Variants in TSPAN9 observed in about 807,000 individuals in gnomAD.
TSPAN9 encodes the protein tetraspanin 9.
TSPAN9 carries 16 observed loss-of-function variants against 31.0 expected under a neutral mutation model. The observed-to-expected ratio is 0.52, with a 90% CI of 0.35 to 0.78. The LOEUF (loss-of-function observed/expected upper bound fraction) is 0.78. Ranked by LOEUF, TSPAN9 falls within the 30% of genes least tolerant of loss-of-function variation. TSPAN9 has a pLI of 0.01. For synonymous variants in TSPAN9, 145 were observed against 121.6 expected (o/e 1.19, Z -1.27); for missense variants, 272 against 312.5 (o/e 0.87, Z 0.98).
At chr12:3,282,996 G>A in intron 8 of TSPAN9, 49 bp from the exon 9 acceptor site, 2 of 1,595,200 alleles carry the variant, frequency 1.3e-6, no homozygotes, top group South Asian at 1.1e-5. Context: ...CTGAGGTCAG[G>A]TCCAGGCTGC....
At chr12:3,157,794 G>A (rs370941575) in intron 2 of TSPAN9, among the ~76,000 whole-genome samples, 1 of 152,094 alleles carries the variant, frequency 6.6e-6, no homozygotes, top group East Asian at 1.9e-4. Context: ...CTGGGCAGAC[G>A]CTGGCAGGCA....
chr12:3,196,677 A>G (rs911690393), intron 2 of TSPAN9, among the ~76,000 whole-genome samples: 5 of 152,110 alleles, frequency 3.3e-5, no homozygotes, highest in Non-Finnish European at 7.4e-5. Context: ...TTGCTCAGGG[A>G]CTGACAGGTG....
chr12:3,257,748 T>C lies in TSPAN9; in HGVS notation c.64-20673T>C, dbSNP rs111414866. 3.8e-3 allele frequency among the ~76,000 whole-genome samples: 473 copies of C among 123,524 alleles called. 3 individuals are homozygous for C. The highest frequency in any genetic ancestry group is 0.013 in the African/African-American group (426 of 32,648). 81.0% of individuals were successfully genotyped at this position (123,524 alleles called of 152,430 possible). ...GGTTTCTTTCTAACCACAAGTGTGA[T>C]AGGTCAAGAGACTTTGGGCGGGAGG... On this transcript the variant is annotated intron_variant, in intron 3 of 8. Coordinates refer to ENST00000011898, the MANE Select transcript of TSPAN9 (RefSeq NM_006675.5).
At chr12:3,252,830 C>T (rs1387382622) in intron 3 of TSPAN9, among the ~76,000 whole-genome samples, 4 of 152,036 alleles carry the variant, frequency 2.6e-5, no homozygotes, top group Admixed American at 6.5e-5. Context: ...CTGCTGGGGG[C>T]GTGTCACTTT....
chr12:3,105,219 G>A (rs997638491), intron 2 of TSPAN9, among the ~76,000 whole-genome samples: 2 of 152,294 alleles, frequency 1.3e-5, no homozygotes, highest in Admixed American at 6.5e-5. Context: ...TCAGTGCCCC[G>A]AGGCAGGCAG....
rs1862937455 is a variant in TSPAN9, at chr12:3,283,309, A to G, written c.*193A>G. ...GTGCCAGGGAGGAGGAGGCACACGG[A>G]GACCTGGGGCTCGGGGCCCCTGGAT... On this transcript the variant is annotated 3_prime_UTR_variant, in exon 9 of 9. Transcript: ENST00000011898. 1.7e-6 allele frequency: 1 copy of G among 585,894 alleles called. No individual in the cohort carries two copies. Among genetic ancestry groups the G allele is most frequent in the African/African-American group, 1.9e-5 (1 of 52,352 alleles). The allele number at this position is 585,894 out of a possible 1,614,324, so 36.3% of individuals were successfully genotyped here.
intron 2 of TSPAN9, among the ~76,000 whole-genome samples, chr12:3,102,726 T>C (rs150411689): frequency 0.041 from 6,226 of 152,290 alleles, 434 homozygotes; most frequent in African/African-American, 0.14. Context: ...CGTGAGCCAC[T>C]GCGCCTGGCC....
At chr12:3,118,733 G>A (rs762455650) in intron 2 of TSPAN9, among the ~76,000 whole-genome samples, 7 of 152,172 alleles carry the variant, frequency 4.6e-5, no homozygotes, top group Non-Finnish European at 1.0e-4. Context: ...TCCCAGCCAT[G>A]GTGTGAATTG....
chr12:3,261,310 A>T (rs556063685), intron 3 of TSPAN9, among the ~76,000 whole-genome samples: 48 of 152,352 alleles, frequency 3.2e-4, no homozygotes, highest in African/African-American at 1.1e-3. Context: ...CAACAGCTTA[A>T]TATGGTAAGT....
At chr12:3,128,605 C>T (rs2098328373) in intron 2 of TSPAN9, among the ~76,000 whole-genome samples, 1 of 152,132 alleles carries the variant, frequency 6.6e-6, no homozygotes, top group African/African-American at 2.4e-5. Context: ...TTACCCATAG[C>T]CCCCCAAGAA....
chr12:3,095,951 TGCAATCTCG>T (rs1421754849), intron 2 of TSPAN9, among the ~76,000 whole-genome samples: 1 of 150,070 alleles, frequency 6.7e-6, no homozygotes, highest in Non-Finnish European at 1.5e-5. Context: ...GGGCAGAGGC[TGCAATCTCG>T]GCACTTTGGG....
At chr12:3,212,359 C>T (rs1322094412) in intron 3 of TSPAN9, among the ~76,000 whole-genome samples, 2 of 152,142 alleles carry the variant, frequency 1.3e-5, no homozygotes, top group Non-Finnish European at 2.9e-5. Flanking sequence ...TACATTAGGT[C>T]TTCTTTAATG....
At chr12:3,222,336 G>C (rs1360807414) in intron 3 of TSPAN9, among the ~76,000 whole-genome samples, 1 of 152,206 alleles carries the variant, frequency 6.6e-6, no homozygotes, top group African/African-American at 2.4e-5. Flanking sequence ...TACTTTCAGA[G>C]TCAGGAAGCA....
At chr12:3,272,997 C>T (rs1171144260) in intron 3 of TSPAN9, 1 of 152,290 alleles carries the variant, frequency 6.6e-6, no homozygotes, top group Non-Finnish European at 1.5e-5. Context: ...GACTGGGCCT[C>T]AGTTTACCTG....
In TSPAN9 at chr12:3,279,549, G is replaced by T. The variant is rs149740562; in HGVS notation, c.330+483G>T. On this transcript the variant is annotated intron_variant, in intron 5 of 8. Coordinates refer to ENST00000011898, the MANE Select transcript of TSPAN9 (RefSeq NM_006675.5). ...CCTGCACTAGAGCCCTTGAGGACGG[G>T]CGCTGCTCCTGGGTTCAGGAGGATG... 4.1e-4 allele frequency among the ~76,000 whole-genome samples: 63 copies of T among 152,342 alleles called. 1 individual carries two copies. In the East Asian group the frequency reaches 0.012, roughly 29 times the overall value.
At chr12:3,244,767 G>T (rs2098398568) in intron 3 of TSPAN9, among the ~76,000 whole-genome samples, 1 of 152,178 alleles carries the variant, frequency 6.6e-6, no homozygotes, top group Admixed American at 6.5e-5. Context: ...CTCAGCAGTA[G>T]AGAAGGGAGG....
intron 3 of TSPAN9, among the ~76,000 whole-genome samples, chr12:3,237,371 A>G (rs1340473394): frequency 6.6e-6 from 1 of 152,202 alleles, no homozygotes; most frequent in East Asian, 1.9e-4. Context: ...CCTGCAAAGC[A>G]TTCTGTGAGG....
At chr12:3,209,734 C>T (rs966109258) in intron 3 of TSPAN9, among the ~76,000 whole-genome samples, 8 of 151,034 alleles carry the variant, frequency 5.3e-5, no homozygotes, top group South Asian at 2.1e-4. Context: ...CCGAGGCGGG[C>T]GGATCACGAG....
chr12:3,220,612 G>C (rs1051824140), intron 3 of TSPAN9, among the ~76,000 whole-genome samples: 2 of 152,242 alleles, frequency 1.3e-5, no homozygotes, highest in South Asian at 4.1e-4. Context: ...GGAATCCGAT[G>C]TTGATATGTT....
Sources: allele counts gnomAD v4.1 joint callset (sites outside exome capture counted in the v4.1 genomes callset), GRCh38; gene constraint gnomAD v4.1.1; transcripts MANE v1.5; gene names NCBI Gene and HGNC (gene_info 2026-07-23, HGNC 2026-07-21).